Variants in NINJ2 observed in about 807,000 individuals in gnomAD.
NINJ2 encodes the protein ninjurin-2.
In NINJ2, 12 loss-of-function variants were observed where a neutral mutation model predicts 11.7. The observed-to-expected ratio is 1.02, with a 90% CI of 0.66 to 1.66. NINJ2 has a LOEUF of 1.66. Among genes scored for constraint, NINJ2 ranks in the 40% most tolerant of loss-of-function variants. The probability of loss-of-function intolerance (pLI) is 0.00; values close to 1 mark genes in which losing one functional copy is unlikely to be tolerated. For missense variants in NINJ2, 187 were observed against 181.8 expected, an observed-to-expected ratio of 1.03 and a Z score of -0.16; for synonymous variants, 93 against 76.8, an observed-to-expected ratio of 1.21 and a Z score of -1.10.
At chr12:569,484 C>T (rs1947348653) in intron 1 of NINJ2, among the ~76,000 whole-genome samples, 1 of 152,240 alleles carries the variant, frequency 6.6e-6, no homozygotes, top group South Asian at 2.1e-4. Flanking sequence ...CCCCATCCTC[C>T]AGTTTGTGCA....
In NINJ2 at chr12:570,328, G is replaced by T. The variant is rs1185156054; in HGVS notation, c.34-4150C>A. 2.0e-5 allele frequency among the ~76,000 whole-genome samples: 3 copies of T among 152,242 alleles called. No homozygotes were observed. In the East Asian group the frequency reaches 5.8e-4, roughly 29 times the overall value. ...TTCTAATCCTCGTGGGCCAGTTTAG[G>T]TGCAGCCCTGCTCTGCGGCAGAGGG... On this transcript the variant is annotated intron_variant, in intron 1 of 3. Coordinates refer to ENST00000305108, the MANE Select transcript of NINJ2 (RefSeq NM_016533.6).
chr12:621,857 C>T (rs9738599), intron 1 of NINJ2, among the ~76,000 whole-genome samples: 1 of 149,010 alleles, frequency 6.7e-6, no homozygotes, highest in Non-Finnish European at 1.5e-5. Context: ...AGTGTGGCCA[C>T]GCACTGTGGC....
At position 585,125 on chromosome 12, in the gene NINJ2, C is replaced by T. The variant is rs1947614337; in HGVS notation, c.34-18947G>A. On this transcript the variant is annotated intron_variant, in intron 1 of 3. Coordinates refer to ENST00000305108, the MANE Select transcript of NINJ2 (RefSeq NM_016533.6). This position sits in a 1 kb window ranked among gnomAD's most constrained non-coding sequence, Gnocchi z 4.1. ...CAGAGCGAGACTCCGTCTCAATAAA[C>T]ACATAAATAAAAGCAAATCCTTCTT... Among the ~76,000 whole-genome samples, 1 of 152,228 alleles carries T rather than the reference C, an allele frequency of 6.6e-6. No individual in the cohort carries two copies. The highest frequency in any genetic ancestry group is 2.4e-5 in the African/African-American group (1 of 41,462).
chr12:659,728 T>C (rs1029377340), intron 1 of NINJ2, among the ~76,000 whole-genome samples: 5 of 152,216 alleles, frequency 3.3e-5, no homozygotes, highest in African/African-American at 1.2e-4. Context: ...ACATTGATTA[T>C]AGAGGCTCAA....
rs533856050 is a variant in NINJ2, at chr12:595,036, T to C, written c.34-28858A>G. Reference sequence around the variant, plus strand: ...GAGTCCAGAAATAGACCCACATAAATAGAGTCAACTGATCTTTGACAAAGG... The same window carrying C: ...GAGTCCAGAAATAGACCCACATAAACAGAGTCAACTGATCTTTGACAAAGG... On this transcript the variant is annotated intron_variant, in intron 1 of 3. Coordinates refer to ENST00000305108, the MANE Select transcript of NINJ2 (RefSeq NM_016533.6). Among the ~76,000 whole-genome samples the C allele has an allele frequency of 1.5e-4, 23 of 152,194 alleles. 1 individual carries two copies. The South Asian group carries it at 4.1e-3, about 27-fold the overall frequency.
chr12:653,068 T>C (rs1421949083), intron 1 of NINJ2, among the ~76,000 whole-genome samples: 1 of 133,406 alleles, frequency 7.5e-6, no homozygotes, highest in African/African-American at 2.8e-5. Flanking sequence ...TCACCCAGGC[T>C]GGAGTGCAGT....
At chr12:595,770 C>A (rs1037100687) in intron 1 of NINJ2, among the ~76,000 whole-genome samples, 1 of 151,864 alleles carries the variant, frequency 6.6e-6, no homozygotes, top group Non-Finnish European at 1.5e-5. Context: ...AAAAAAAAAA[C>A]ACTTTTGATA....
At position 580,375 on chromosome 12, in the gene NINJ2, G is replaced by A. The variant is rs1947529879; in HGVS notation, c.34-14197C>T. Among the ~76,000 whole-genome samples the A allele has an allele frequency of 6.6e-6, 1 of 152,110 alleles. No homozygotes were observed. The highest frequency in any genetic ancestry group is 2.1e-4 in the South Asian group (1 of 4,818). ...GGCCGAGGCAGGTGGATCACTTGAG[G>A]TCAGGAGTTTGAGATGAGCCTGGGC... On this transcript the variant is annotated intron_variant, in intron 1 of 3. Coordinates refer to ENST00000305108, the MANE Select transcript of NINJ2 (RefSeq NM_016533.6). The surrounding 1 kb of genome is among the most constrained non-coding windows in gnomAD (Gnocchi z 4.7).
At chr12:610,340 A>G in intron 1 of NINJ2, 1 of 1,535,268 alleles carries the variant, frequency 6.5e-7, no homozygotes, top group Non-Finnish European at 8.7e-7. Flanking sequence ...CCAGAGGCAC[A>G]CTTACCATAT....
chr12:576,975 T>C (rs1235344277), intron 1 of NINJ2, among the ~76,000 whole-genome samples: 2 of 152,154 alleles, frequency 1.3e-5, no homozygotes, highest in Non-Finnish European at 1.5e-5. Context: ...ACTTCAATCC[T>C]ACTCATCCCT....
chr12:621,098 T>C (rs1045340395), intron 1 of NINJ2, among the ~76,000 whole-genome samples: 1 of 152,108 alleles, frequency 6.6e-6, no homozygotes, highest in African/African-American at 2.4e-5. Context: ...TAGCAGCTAC[T>C]AGAAGAGGTT....
At chr12:653,018 C>CTT (rs377056940) in intron 1 of NINJ2, among the ~76,000 whole-genome samples, 1,992 of 96,202 alleles carry the variant, frequency 0.021, 181 homozygotes, top group African/African-American at 0.058. Flanking sequence ...TATTTTGTTT[C>CTT]TTTTTTTTTT....
At position 581,680 on chromosome 12, in the gene NINJ2, G is replaced by A. The variant is rs1175492281; in HGVS notation, c.34-15502C>T. Among the ~76,000 whole-genome samples, 2 of 152,144 alleles carry A rather than the reference G, an allele frequency of 1.3e-5. No individual in the cohort carries two copies. Among genetic ancestry groups the A allele is most frequent in the Non-Finnish European group, 2.9e-5 (2 of 68,018 alleles). On this transcript the variant is annotated intron_variant, in intron 1 of 3. Coordinates refer to ENST00000305108, the MANE Select transcript of NINJ2 (RefSeq NM_016533.6). This position sits in a 1 kb window ranked among gnomAD's most constrained non-coding sequence, Gnocchi z 4.9. ...GGTAAGCAGGGGAGGGCCGGCAAGT[G>A]GGTGCAGGGATCTGATCCCACTGCT... is the stretch of plus-strand genomic sequence containing the variant.
rs2120414383 is a variant in NINJ2, at chr12:628,395, A to T, written c.33+34933T>A. 6.6e-6 allele frequency among the ~76,000 whole-genome samples: 1 copy of T among 152,240 alleles called. No individual in the cohort carries two copies. Among genetic ancestry groups the T allele is most frequent in the South Asian group, 2.1e-4 (1 of 4,828 alleles). On this transcript the variant is annotated intron_variant, in intron 1 of 3. Transcript: ENST00000305108. The surrounding 1 kb of genome is among the most constrained non-coding windows in gnomAD (Gnocchi z 4.4). ...TTCTTCTGCGTCTCCTCACAGCGTCACCTACAAGGGTCTGGCACACAGTGG... is the reference window on the plus strand; with the variant it reads ...TTCTTCTGCGTCTCCTCACAGCGTCTCCTACAAGGGTCTGGCACACAGTGG...
intron 1 of NINJ2, among the ~76,000 whole-genome samples, chr12:639,817 A>G (rs1016969072): frequency 1.3e-5 from 2 of 152,246 alleles, no homozygotes; most frequent in African/African-American, 4.8e-5. Flanking sequence ...ATGATGGTCC[A>G]GGTGTAACAA....
At chr12:624,306 G>T (rs1948187818) in intron 1 of NINJ2, among the ~76,000 whole-genome samples, 2 of 152,236 alleles carry the variant, frequency 1.3e-5, no homozygotes, top group South Asian at 4.1e-4. Flanking sequence ...TTTATTCTTT[G>T]ATTTTAAAAA....
intron 1 of NINJ2, among the ~76,000 whole-genome samples, chr12:586,839 C>T (rs1163487909): frequency 6.6e-6 from 1 of 152,170 alleles, no homozygotes; most frequent in Non-Finnish European, 1.5e-5. Context: ...TCTGCAGTGA[C>T]CTTCACCTTC....
At chr12:565,519 A>G (rs1947283646) in intron 2 of NINJ2, 118 bp from the exon 3 acceptor site, 1 of 1,085,778 alleles carries the variant, frequency 9.2e-7, no homozygotes, top group African/African-American at 1.6e-5. Flanking sequence ...TGTGGCAGAA[A>G]TCAAGGGAGG....
At chr12:578,169 C>T (rs1947496248) in intron 1 of NINJ2, among the ~76,000 whole-genome samples, 10 of 152,178 alleles carry the variant, frequency 6.6e-5, no homozygotes, top group Admixed American at 6.5e-4. Flanking sequence ...CCCCTGATTA[C>T]TCAATCAATC....
Sources: gnomAD v4.1 joint callset for allele counts (sites outside exome capture counted in the v4.1 genomes callset) on GRCh38, gnomAD v4.1.1 for gene constraint, Gnocchi (gnomAD v3.1) non-coding constraint, MANE v1.5 for transcripts, NCBI Gene and HGNC (gene_info 2026-07-23, HGNC 2026-07-21) for gene names.